The following LARGE1 variants were observed in gnomAD, a reference collection of about 807,000 sequenced individuals.
LARGE1 encodes the protein xylosyl- and glucuronyltransferase LARGE1.
In LARGE1, 43 loss-of-function variants were observed where a neutral mutation model predicts 87.6. The observed-to-expected ratio is 0.49, with a 90% CI of 0.38 to 0.63. LARGE1 has a LOEUF of 0.63. LARGE1 is among the 30% of genes least tolerant of loss of function. The pLI is 0.00. For missense variants in LARGE1, 802 were observed against 1,000.2 expected (o/e 0.80, Z 2.67); for synonymous variants, 434 against 394.6 (o/e 1.10, Z -1.18).
chr22:33,461,919 C>T (rs547959943), intron 6 of LARGE1, among the ~76,000 whole-genome samples: 1 of 152,218 alleles, frequency 6.6e-6, no homozygotes, highest in East Asian at 1.9e-4. Flanking sequence ...AGTCAATTAT[C>T]CCTCCATGTT....
intron 6 of LARGE1, among the ~76,000 whole-genome samples, chr22:33,532,364 C>G (rs770389479): frequency 6.6e-6 from 1 of 152,242 alleles, no homozygotes; most frequent in Non-Finnish European, 1.5e-5. Context: ...TCTGTCCCCA[C>G]AGGATCTAGG....
chr22:33,765,501 C>T (rs974771848), intron 1 of LARGE1, among the ~76,000 whole-genome samples: 6 of 151,726 alleles, frequency 4.0e-5, no homozygotes, highest in Non-Finnish European at 8.8e-5. Flanking sequence ...GTCAGGAGTT[C>T]AAAACCCGCC....
At chr22:33,877,992 T>A (rs115328636) in intron 1 of LARGE1, among the ~76,000 whole-genome samples, 5,282 of 151,618 alleles carry the variant, frequency 0.035, 314 homozygotes, top group African/African-American at 0.12. Flanking sequence ...AATGTAACAT[T>A]TGAATTTATA....
At chr22:33,428,904 T>C (rs1601806326) in intron 7 of LARGE1, among the ~76,000 whole-genome samples, 1 of 127,456 alleles carries the variant, frequency 7.8e-6, no homozygotes, top group Non-Finnish European at 1.6e-5. Flanking sequence ...CACTCCAGCC[T>C]GGGCGAAAGA....
chr22:33,492,571 G>A (rs554242035), intron 6 of LARGE1, among the ~76,000 whole-genome samples: 73 of 152,272 alleles, frequency 4.8e-4, no homozygotes, highest in African/African-American at 1.6e-3. Flanking sequence ...TGGGGACTCC[G>A]TGCTGCTGTG....
At chr22:33,346,451 C>T (rs977100766) in intron 9 of LARGE1, among the ~76,000 whole-genome samples, 7 of 152,148 alleles carry the variant, frequency 4.6e-5, no homozygotes, top group Admixed American at 2.0e-4. Flanking sequence ...TACAGGCATG[C>T]GCCGCCACGC....
intron 11 of LARGE1, among the ~76,000 whole-genome samples, chr22:33,313,012 G>T (rs1411896245): frequency 1.3e-5 from 2 of 152,134 alleles, no homozygotes; most frequent in Non-Finnish European, 2.9e-5. Flanking sequence ...CACCAGTTGG[G>T]TGTCCCTATG....
At chr22:33,747,476 G>A (rs1464224252) in intron 2 of LARGE1, among the ~76,000 whole-genome samples, 1 of 151,942 alleles carries the variant, frequency 6.6e-6, no homozygotes, top group Non-Finnish European at 1.5e-5. Flanking sequence ...TCACCACCTG[G>A]CTCTGCTTAA....
intron 1 of LARGE1, among the ~76,000 whole-genome samples, chr22:33,893,897 G>A (rs1028364637): frequency 2.0e-5 from 3 of 152,168 alleles, no homozygotes; most frequent in Middle Eastern, 3.2e-3. Flanking sequence ...AAGTCTCACA[G>A]GGCACCTCCG....
At chr22:33,609,828 A>G (rs1301319063) in intron 4 of LARGE1, among the ~76,000 whole-genome samples, 1 of 151,774 alleles carries the variant, frequency 6.6e-6, no homozygotes, top group Non-Finnish European at 1.5e-5. Flanking sequence ...TTTTCTCAAG[A>G]TCTGGTTGTT....
chr22:33,422,846 T>C (rs368604480), intron 7 of LARGE1, among the ~76,000 whole-genome samples: 1 of 152,014 alleles, frequency 6.6e-6, no homozygotes, highest in Non-Finnish European at 1.5e-5. Context: ...TGCTAAACCA[T>C]TCATGAGAAA....
chr22:33,358,692 C>T (rs2064269908), intron 9 of LARGE1, among the ~76,000 whole-genome samples: 1 of 152,078 alleles, frequency 6.6e-6, no homozygotes, highest in African/African-American at 2.4e-5. Context: ...GCCTCTGAGT[C>T]TGTTGTTTAA....
intron 4 of LARGE1, among the ~76,000 whole-genome samples, chr22:33,625,844 T>G (rs1198490778): frequency 6.6e-6 from 1 of 152,212 alleles, no homozygotes; most frequent in Non-Finnish European, 1.5e-5. Flanking sequence ...AATACAGTCA[T>G]ATTCTCAGGT....
chr22:33,091,299 A>G, the LARGE1 span, among the ~76,000 whole-genome samples: 3 of 152,258 alleles, frequency 2.0e-5, no homozygotes, highest in Admixed American at 6.5e-5. Context: ...AGTGGTTCAC[A>G]TCTGTAATCC....
chr22:33,501,564 T>C (rs749614199), intron 6 of LARGE1, among the ~76,000 whole-genome samples: 15 of 152,356 alleles, frequency 9.8e-5, no homozygotes, highest in Admixed American at 3.9e-4. Context: ...GATCTCAATG[T>C]GCTCTGGGTT....
intron 1 of LARGE1, among the ~76,000 whole-genome samples, chr22:33,775,931 T>A (rs2085222266): frequency 1.3e-5 from 2 of 150,122 alleles, no homozygotes; most frequent in South Asian, 4.2e-4. Context: ...CTAATAAACA[T>A]CTTACAAGGC....
At chr22:33,256,197 T>C (rs1927254909) in intron 11 of LARGE1, among the ~76,000 whole-genome samples, 1 of 152,228 alleles carries the variant, frequency 6.6e-6, no homozygotes, top group African/African-American at 2.4e-5. Flanking sequence ...CTTTCCAATG[T>C]GGTTTTGCAC....
chr22:33,204,902 A>G (rs905376684), intron 11 of LARGE1, among the ~76,000 whole-genome samples: 12 of 152,196 alleles, frequency 7.9e-5, no homozygotes, highest in Admixed American at 6.5e-4. Context: ...GGAGGTATAC[A>G]GCTTCAGTAT....
intron 9 of LARGE1, among the ~76,000 whole-genome samples, chr22:33,362,221 G>C (rs1221536227): frequency 6.7e-6 from 1 of 149,116 alleles, no homozygotes; most frequent in Non-Finnish European, 1.5e-5. Context: ...TAACAATGAA[G>C]GTCCTGAAAC....
Sources: allele counts gnomAD v4.1 joint callset (sites outside exome capture counted in the v4.1 genomes callset), GRCh38; gene constraint gnomAD v4.1.1; transcripts MANE v1.5; gene names NCBI Gene and HGNC (gene_info 2026-07-23, HGNC 2026-07-21).